Variants in DISC1 observed in about 807,000 individuals in gnomAD.
The protein encoded by DISC1 is disrupted in schizophrenia 1 protein.
A neutral mutation model predicts 84.5 loss-of-function variants in DISC1; 57 were observed. That is an observed-to-expected ratio of 0.67 (90% CI 0.55 to 0.84). DISC1 has a LOEUF of 0.84. Ranked by LOEUF, DISC1 falls within the 40% of genes least tolerant of loss-of-function variation. The probability of loss-of-function intolerance (pLI) is 0.00; values close to 1 mark genes in which losing one functional copy is unlikely to be tolerated. For missense variants in DISC1, 1,000 were observed against 1,057.8 expected, an observed-to-expected ratio of 0.95 and a Z score of 0.76; for synonymous variants, 411 against 415.2, an observed-to-expected ratio of 0.99 and a Z score of 0.12.
intron 9 of DISC1, among the ~76,000 whole-genome samples, chr1:231,939,482 G>A (rs2091173309): frequency 6.6e-6 from 1 of 152,116 alleles, no homozygotes; most frequent in African/African-American, 2.4e-5. Context: ...CCCTTGAATG[G>A]CTTCCCTTTG....
intron 9 of DISC1, among the ~76,000 whole-genome samples, chr1:231,927,052 T>A (rs1025312793): frequency 4.6e-5 from 7 of 152,230 alleles, no homozygotes; most frequent in Non-Finnish European, 1.0e-4. Flanking sequence ...AGTGCTTTTC[T>A]GTAACCCACT....
intron 10 of DISC1, among the ~76,000 whole-genome samples, chr1:231,990,059 C>T (rs1387467433): frequency 1.3e-5 from 2 of 152,070 alleles, no homozygotes; most frequent in South Asian, 2.1e-4. Context: ...GCAGTCTTTC[C>T]AACTCTTTCC....
chr1:231,874,765 G>C (rs572828632), intron 9 of DISC1, among the ~76,000 whole-genome samples: 1 of 151,680 alleles, frequency 6.6e-6, no homozygotes, highest in Non-Finnish European at 1.5e-5. Context: ...CAAAAAATTA[G>C]CCAGGCGTGG....
intron 10 of DISC1, among the ~76,000 whole-genome samples, chr1:231,983,942 A>C (rs542475029): frequency 6.6e-6 from 1 of 152,302 alleles, no homozygotes; most frequent in East Asian, 1.9e-4. Context: ...ATTCCAATGA[A>C]ATAGATAATT....
At chr1:231,884,740 C>T (rs1414855763) in intron 9 of DISC1, among the ~76,000 whole-genome samples, 4 of 150,668 alleles carry the variant, frequency 2.7e-5, no homozygotes, top group Non-Finnish European at 5.9e-5. Flanking sequence ...ACCTTCATGA[C>T]ATGAAATTTA....
At chr1:231,878,756 C>T (rs1186792534) in intron 9 of DISC1, among the ~76,000 whole-genome samples, 1 of 152,044 alleles carries the variant, frequency 6.6e-6, no homozygotes, top group Non-Finnish European at 1.5e-5. Context: ...CATTATTAAC[C>T]CCCCAAAAGT....
intron 9 of DISC1, among the ~76,000 whole-genome samples, chr1:231,934,958 C>G (rs821578): frequency 1 from 151,720 of 152,376 alleles, 75,532 homozygotes; most frequent in Middle Eastern, 1. Context: ...TGTTTGAACA[C>G]GCTGCAGGGA....
chr1:231,700,313 A>T lies in DISC1; in HGVS notation c.1048-1642A>T, dbSNP rs897022528. Among the ~76,000 whole-genome samples the T allele has an allele frequency of 2.6e-5, 4 of 152,162 alleles. No individual in the cohort carries two copies. The East Asian group carries it at 7.7e-4, about 29-fold the overall frequency. On this transcript the variant is annotated intron_variant, in intron 2 of 12. Coordinates refer to ENST00000439617, the MANE Select transcript of DISC1 (RefSeq NM_018662.3). ...CCTCCTCCTCCTCAGCCTACTCAAGATGAAGATGATCCACTTTCACTTAAT... is the reference window on the plus strand; with the variant it reads ...CCTCCTCCTCCTCAGCCTACTCAAGTTGAAGATGATCCACTTTCACTTAAT...
chr1:231,733,043 G>T (rs1489351980), intron 3 of DISC1, among the ~76,000 whole-genome samples: 1 of 60,932 alleles, frequency 1.6e-5, no homozygotes, highest in Non-Finnish European at 3.3e-5. Flanking sequence ...TAGGAGTGGT[G>T]GTAGTTGTTG....
At chr1:231,906,719 C>A (rs988270366) in intron 9 of DISC1, among the ~76,000 whole-genome samples, 1 of 152,036 alleles carries the variant, frequency 6.6e-6, no homozygotes, top group Non-Finnish European at 1.5e-5. Context: ...ATTGCTCCAC[C>A]GTGCTTTTTG....
chr1:231,819,073 G>A (rs1231495924), intron 9 of DISC1: 22 of 986,860 alleles, frequency 2.2e-5, no homozygotes, highest in Non-Finnish European at 2.5e-5. Context: ...CCAGTCGTTA[G>A]GAGTAACTGA....
At chr1:231,763,993 C>T (rs1020822119) in intron 4 of DISC1, among the ~76,000 whole-genome samples, 4 of 152,136 alleles carry the variant, frequency 2.6e-5, no homozygotes, top group South Asian at 2.1e-4. Context: ...CTAAGAAATG[C>T]GGAGGCAGTG....
chr1:231,761,475 G>T (rs1050027081), intron 4 of DISC1, among the ~76,000 whole-genome samples: 1 of 152,190 alleles, frequency 6.6e-6, no homozygotes, highest in East Asian at 1.9e-4. Context: ...TCAGCCATCT[G>T]TGGATCCCTT....
At chr1:231,707,683 T>C (rs1221470630) in intron 3 of DISC1, among the ~76,000 whole-genome samples, 1 of 151,566 alleles carries the variant, frequency 6.6e-6, no homozygotes, top group Non-Finnish European at 1.5e-5. Flanking sequence ...TGCAACCAAG[T>C]AAAAGAAATG....
intron 6 of DISC1, among the ~76,000 whole-genome samples, chr1:231,784,046 G>T (rs750901887): frequency 2.0e-5 from 3 of 152,072 alleles, no homozygotes; most frequent in Admixed American, 6.5e-5. Context: ...GGCAGATCAC[G>T]AGGTCAGGAG....
intron 2 of DISC1, among the ~76,000 whole-genome samples, chr1:231,697,160 G>A (rs373602503): frequency 2.6e-5 from 4 of 152,162 alleles, no homozygotes; most frequent in East Asian, 1.9e-4. Flanking sequence ...TGAGGCCTTC[G>A]GGACAGGGCA....
intron 10 of DISC1, among the ~76,000 whole-genome samples, chr1:232,007,472 G>T (rs961093731): frequency 1.3e-5 from 2 of 152,188 alleles, no homozygotes; most frequent in Non-Finnish European, 2.9e-5. Context: ...AGATCTTTAA[G>T]ATTTGACTGC....
At chr1:231,781,248 T>C (rs1037729889) in intron 6 of DISC1, among the ~76,000 whole-genome samples, 3 of 148,154 alleles carry the variant, frequency 2.0e-5, no homozygotes, top group African/African-American at 7.5e-5. Context: ...GATTTTTGAA[T>C]AACAGAACAA....
chr1:231,755,604 C>G (rs1173066089), intron 4 of DISC1, among the ~76,000 whole-genome samples: 1 of 152,070 alleles, frequency 6.6e-6, no homozygotes, highest in African/African-American at 2.4e-5. Context: ...TTATCCTTGC[C>G]TTTTACTAAG....
Sources: allele counts gnomAD v4.1 joint callset (sites outside exome capture counted in the v4.1 genomes callset), GRCh38; gene constraint gnomAD v4.1.1; transcripts MANE v1.5; gene names NCBI Gene and HGNC (gene_info 2026-07-23, HGNC 2026-07-21).